Variants in ANAPC1 observed in about 807,000 individuals in gnomAD.
ANAPC1 encodes the protein anaphase-promoting complex subunit 1.
Under a neutral mutation model 208.0 loss-of-function variants are expected in ANAPC1, and 36 were observed. That is an observed-to-expected ratio of 0.17 (90% CI 0.13 to 0.23). The LOEUF (loss-of-function observed/expected upper bound fraction) is 0.23, where lower values mean the gene tolerates loss of function less well. ANAPC1 is among the 10% of genes least tolerant of loss of function. The pLI is 1.00. For synonymous variants in ANAPC1, 378 were observed against 695.2 expected (o/e 0.54, Z 7.18); for missense variants, 942 against 2,011.6 (o/e 0.47, Z 10.17).
chr2:111,769,853 T>C (rs1427438450), intron 47 of ANAPC1, among the ~76,000 whole-genome samples: 1 of 150,050 alleles, frequency 6.7e-6, no homozygotes, highest in East Asian at 2.0e-4. Flanking sequence ...GCTAATTTTT[T>C]TTGTATTTTT....
At chr2:111,859,642 T>C (rs1358325058) in intron 10 of ANAPC1, among the ~76,000 whole-genome samples, 1 of 152,204 alleles carries the variant, frequency 6.6e-6, no homozygotes, top group Non-Finnish European at 1.5e-5. Context: ...ACTTCAACAT[T>C]GTATCCACAT....
intron 6 of ANAPC1, among the ~76,000 whole-genome samples, chr2:111,871,686 AG>A (rs200552371): frequency 0.022 from 3,282 of 152,170 alleles, 107 homozygotes; most frequent in African/African-American, 0.074. Context: ...TGGGAGGCAG[AG>A]GTTGTGGTGA....
chr2:111,829,162 C>T (rs552294293), intron 21 of ANAPC1, among the ~76,000 whole-genome samples: 4 of 152,138 alleles, frequency 2.6e-5, no homozygotes, highest in South Asian at 2.1e-4. Flanking sequence ...TGCAGTGAGC[C>T]GAGATTGTGC....
chr2:111,844,569 CA>C (rs11327163), intron 16 of ANAPC1, among the ~76,000 whole-genome samples: 76,913 of 127,546 alleles, frequency 0.6, 21,730 homozygotes, highest in South Asian at 0.69. Context: ...AACTCTGTCT[CA>C]AAAAAAAAAA....
rs752304842 is a variant in ANAPC1 at position 111,862,544 on chromosome 2, G to C, written c.1107C>G (p.Phe369Leu). Residue 369 changes from phenylalanine to leucine, a missense_variant, in exon 10 of 48, where the codon TTC (phenylalanine) becomes TTG (leucine). By Grantham distance (22) the Phe-to-Leu change is conservative. Transcript: ENST00000341068. The part of the protein sequence containing the change: ...GVHSFSGVQR[F>L]NISSHNQSPK... The stretch of plus-strand genomic sequence containing the variant: ...GAGACTGATTATGGCTTGAAATGTT[G>C]AACCTTTGCACCCCTGAAAAAGAGT... The C allele has an allele frequency of 6.2e-7, 1 of 1,610,530 alleles. No individual in the cohort carries two copies. The highest frequency in any genetic ancestry group is 8.5e-7 in the Non-Finnish European group (1 of 1,179,078).
At position 111,767,917 on chromosome 2, in the gene ANAPC1, C is replaced by G. The variant is rs1676523316; in HGVS notation, c.*1374G>C. 6.6e-6 allele frequency: 1 copy of G among 152,168 alleles called. No individual in the cohort carries two copies. Among genetic ancestry groups the G allele is most frequent in the Non-Finnish European group, 1.5e-5 (1 of 68,024 alleles). 9.4% of individuals were successfully genotyped at this position (152,168 alleles called of 1,614,324 possible). A position where few individuals can be genotyped will look rare whatever the true frequency, so the allele number is the denominator to read the frequency against. On this transcript the variant is annotated 3_prime_UTR_variant, in exon 48 of 48. Transcript: ENST00000341068. ...CCACGCAAATGCAAGGACAGAGAGT[C>G]CAGAGAATACCACTTGGCCTCCAGG... is the stretch of plus-strand genomic sequence containing the variant.
intron 21 of ANAPC1, among the ~76,000 whole-genome samples, chr2:111,828,692 C>T (rs1444955724): frequency 6.6e-6 from 1 of 152,126 alleles, no homozygotes; most frequent in East Asian, 1.9e-4. Flanking sequence ...ATAAGCCAGA[C>T]ACAGAGAGAT....
rs754389278 is a variant in ANAPC1, at chr2:111,884,147, G to C, written c.-230C>G. The C allele has an allele frequency of 3.3e-5, 5 of 152,294 alleles. No homozygotes were observed. Among genetic ancestry groups the C allele is most frequent in the East Asian group, 3.9e-4 (2 of 5,194 alleles). The allele number at this position is 152,294 out of a possible 1,614,324, so 9.4% of individuals were successfully genotyped here. On this transcript the variant is annotated 5_prime_UTR_variant, in exon 1 of 48. Transcript: ENST00000341068. ...GTGCTAATGGCAGGAAGGCGTGCGA[G>C]ACGTTCAAATGGACGCGTCCATCTT...
chr2:111,861,550 C>G (rs1290434110), intron 10 of ANAPC1, among the ~76,000 whole-genome samples: 1 of 148,228 alleles, frequency 6.7e-6, no homozygotes, highest in African/African-American at 2.5e-5. Context: ...CAAAGCCCTA[C>G]CAGCAAAAGT....
intron 11 of ANAPC1, among the ~76,000 whole-genome samples, chr2:111,857,717 G>C (rs1348568602): frequency 6.6e-6 from 1 of 152,134 alleles, no homozygotes; most frequent in African/African-American, 2.4e-5. Context: ...AATCACATAT[G>C]TCCACATTTT....
At chr2:111,831,840 A>AG (rs1401564201) in intron 20 of ANAPC1, among the ~76,000 whole-genome samples, 1 of 140,840 alleles carries the variant, frequency 7.1e-6, no homozygotes, top group East Asian at 2.0e-4. Context: ...AAAAAAAAAA[A>AG]AAAAAAGAAT....
intron 47 of ANAPC1, among the ~76,000 whole-genome samples, chr2:111,769,620 TG>T (rs1676609504): frequency 6.6e-6 from 1 of 151,306 alleles, no homozygotes; most frequent in African/African-American, 2.4e-5. Context: ...TGAAGAGAGG[TG>T]TTTTGGATTC....
At chr2:111,824,818 A>G in intron 24 of ANAPC1, 148 bp downstream of exon 24, 1 of 844,756 alleles carries the variant, frequency 1.2e-6, no homozygotes, top group South Asian at 2.2e-5. Context: ...GAGATTGTCG[A>G]GAAAAAAAGA....
intron 16 of ANAPC1, among the ~76,000 whole-genome samples, chr2:111,846,890 T>C (rs1200450652): frequency 6.6e-6 from 1 of 151,974 alleles, no homozygotes; most frequent in Admixed American, 6.6e-5. Flanking sequence ...TATATTATTA[T>C]ACTGCACAAT....
At chr2:111,874,611 T>C (rs1682928468) in intron 3 of ANAPC1, among the ~76,000 whole-genome samples, 1 of 152,204 alleles carries the variant, frequency 6.6e-6, no homozygotes, top group African/African-American at 2.4e-5. Context: ...TTTATCCCTT[T>C]TTAAAGCTAA....
chr2:111,823,036 G>C (rs1024282676), intron 24 of ANAPC1, among the ~76,000 whole-genome samples: 2 of 104,640 alleles, frequency 1.9e-5, no homozygotes, highest in Non-Finnish European at 3.5e-5. Flanking sequence ...TTGAGATGGA[G>C]TCTCGCTCTG....
intron 37 of ANAPC1, among the ~76,000 whole-genome samples, chr2:111,792,964 A>C (rs1296243729): frequency 6.6e-6 from 1 of 152,148 alleles, no homozygotes; most frequent in African/African-American, 2.4e-5. Flanking sequence ...GAGAAAAAAA[A>C]AATCTGTAAA....
At chr2:111,808,876 T>C in intron 29 of ANAPC1, 71 bp downstream of exon 29, 2 of 1,446,310 alleles carry the variant, frequency 1.4e-6, no homozygotes, top group South Asian at 1.2e-5. Flanking sequence ...AATTTTACTA[T>C]CACTTTTAAT....
In ANAPC1 at chr2:111,834,417, GGCT is replaced by G. The variant is rs1282604616; in HGVS notation, c.2384+184_2384+186del. Among the ~76,000 whole-genome samples the G allele has an allele frequency of 7.7e-3, 1,172 of 152,068 alleles. 13 individuals are homozygous for G. Among genetic ancestry groups the G allele is most frequent in the African/African-American group, 0.027 (1,105 of 41,494 alleles). On this transcript the variant is annotated intron_variant, in intron 19 of 47. Coordinates refer to ENST00000341068, the MANE Select transcript of ANAPC1 (RefSeq NM_022662.4). ...GGACAAAGACTAAAAATCCCTGCAT[GGCT>G]CACAGGCCCTTACAAAACCAGTATC...
Sources: allele counts gnomAD v4.1 joint callset (sites outside exome capture counted in the v4.1 genomes callset), GRCh38; gene constraint gnomAD v4.1.1; transcripts MANE v1.5; gene names NCBI Gene and HGNC (gene_info 2026-07-23, HGNC 2026-07-21).